The following CPSF6 variants were observed in gnomAD, a reference collection of about 807,000 sequenced individuals.
CPSF6 encodes cleavage and polyadenylation specific factor 6, also known as cleavage and polyadenylation specificity factor subunit 6.
In CPSF6, 10 loss-of-function variants were observed where a neutral mutation model predicts 56.7. That is an observed-to-expected ratio of 0.18 (90% CI 0.11 to 0.30). The LOEUF (loss-of-function observed/expected upper bound fraction) is 0.30. Among genes scored for constraint, CPSF6 ranks in the 10% least tolerant of loss-of-function variants. The pLI is 1.00. For missense variants in CPSF6, 419 were observed against 722.9 expected (o/e 0.58, Z 4.82); for synonymous variants, 248 against 244.8 (o/e 1.01, Z -0.12).
At chr12:69,241,985 T>A (rs1235847480) in intron 1 of CPSF6, among the ~76,000 whole-genome samples, 1 of 152,160 alleles carries the variant, frequency 6.6e-6, no homozygotes, top group African/African-American at 2.4e-5. Flanking sequence ...ATCTTGTTTT[T>A]AAAAATATGT....
At chr12:69,264,109 C>T (rs1872867669) in intron 9 of CPSF6, among the ~76,000 whole-genome samples, 1 of 151,978 alleles carries the variant, frequency 6.6e-6, no homozygotes, top group African/African-American at 2.4e-5. Flanking sequence ...TACATCTGAT[C>T]CCATCTTAAT....
At position 69,256,680 on chromosome 12, in the gene CPSF6, C is replaced by G; in HGVS notation, c.375-17C>G. On this transcript the variant is annotated splice_polypyrimidine_tract_variant and intron_variant, in intron 3 of 9. Transcript: ENST00000435070. ...TCTCTTTTTACTTTGTATCCTCACC[C>G]CTTAAACACTTTTTAGGTTTGCCCT... The G allele has an allele frequency of 6.2e-7, 1 of 1,601,992 alleles. No individual in the cohort carries two copies. The highest frequency in any genetic ancestry group is 8.5e-7 in the Non-Finnish European group (1 of 1,175,620).
At chr12:69,256,885 A>T in intron 4 of CPSF6, 43 bp downstream of exon 4, 8 of 1,528,340 alleles carry the variant, frequency 5.2e-6, no homozygotes, top group Non-Finnish European at 7.1e-6. Flanking sequence ...TGTACATTTT[A>T]ACCAGTGCAT....
Position 69,273,769 on chromosome 12 carries a change from A to G in CPSF6, c.*4261A>G, listed in dbSNP as rs890949699. Reference sequence around the variant, plus strand: ...AAGGATCCTTTGGGTATAAATCATAATGTATTTTAAGGAATGCATCTATAA... The same window carrying G: ...AAGGATCCTTTGGGTATAAATCATAGTGTATTTTAAGGAATGCATCTATAA... On this transcript the variant is annotated 3_prime_UTR_variant, in exon 10 of 10. Coordinates refer to ENST00000435070, the MANE Select transcript of CPSF6 (RefSeq NM_007007.3). The G allele has an allele frequency of 9.2e-5, 14 of 151,914 alleles. No individual in the cohort carries two copies. Among genetic ancestry groups the G allele is most frequent in the Non-Finnish European group, 4.4e-5 (3 of 67,844 alleles). The allele number at this position is 151,914 out of a possible 1,614,324, so 9.4% of individuals were successfully genotyped here. A position where few individuals can be genotyped will look rare whatever the true frequency, so the allele number is the denominator to read the frequency against.
chr12:69,264,937 G>A (rs1017961184), intron 9 of CPSF6, among the ~76,000 whole-genome samples: 1 of 152,252 alleles, frequency 6.6e-6, no homozygotes. Flanking sequence ...GAAAGCTAAA[G>A]TGAATGTCAC....
Position 69,271,635 on chromosome 12 carries a change from AGATTT to A in CPSF6, c.*2129_*2133del, listed in dbSNP as rs1258762144. On this transcript the variant is annotated 3_prime_UTR_variant, in exon 10 of 10. Transcript: ENST00000435070. ...TCGTTACAGACAGTGTGAGTGTACT[AGATTT>A]GTTTGCTGCTAATCCGTTATTTTAA... 1.3e-4 allele frequency: 20 copies of A among 151,668 alleles called. No individual in the cohort carries two copies. The allele number at this position is 151,668 out of a possible 1,614,324, so 9.4% of individuals were successfully genotyped here. A position where few individuals can be genotyped will look rare whatever the true frequency, so the allele number is the denominator to read the frequency against.
chr12:69,245,860 C>A (rs1592792705), intron 1 of CPSF6, among the ~76,000 whole-genome samples: 1 of 152,090 alleles, frequency 6.6e-6, no homozygotes, highest in Admixed American at 6.5e-5. Context: ...CTGAAGTAGG[C>A]GGATCACTTG....
At chr12:69,252,258 A>G (rs1231212186) in intron 2 of CPSF6, 1 of 337,724 alleles carries the variant, frequency 3.0e-6, no homozygotes, top group Non-Finnish European at 5.8e-6. Context: ...CAAAACAAAC[A>G]CTTTTGTAGA....
At chr12:69,256,164 A>G (rs575518067) in intron 3 of CPSF6, among the ~76,000 whole-genome samples, 5 of 152,348 alleles carry the variant, frequency 3.3e-5, no homozygotes, top group Middle Eastern at 3.4e-3. Flanking sequence ...TGAAATGTCT[A>G]GGATAGGCCA....
intron 6 of CPSF6, 119 bp downstream of exon 6, chr12:69,259,213 T>G: frequency 1.6e-6 from 2 of 1,289,644 alleles, no homozygotes; most frequent in East Asian, 2.5e-5. Context: ...ATGAGGTGTT[T>G]AAGCTGCTAC....
At chr12:69,257,266 C>G (rs1478988410) in intron 4 of CPSF6, among the ~76,000 whole-genome samples, 1 of 152,126 alleles carries the variant, frequency 6.6e-6, no homozygotes, top group Non-Finnish European at 1.5e-5. Flanking sequence ...ACTTGGTAAA[C>G]TGAATATAGA....
chr12:69,251,257 T>A lies in CPSF6; in HGVS notation c.189T>A (p.Asp63Glu). The change falls in exon 2 of 10, where the codon GAT becomes GAA. Residue 63 changes from aspartate (D) to glutamate (E), a missense_variant. Coordinates refer to ENST00000435070, the MANE Select transcript of CPSF6 (RefSeq NM_007007.3). ...MDTLPPTVGD[D>E]VGKGAAPNVV... is the part of the protein sequence containing the mutation. The stretch of plus-strand genomic sequence containing the variant: ...CTCTCCCACCAACTGTTGGTGATGA[T>A]GTGGGTAAAGGAGCAGCACCAAATG... 1 of 1,612,736 alleles carries A rather than the reference T, an allele frequency of 6.2e-7. No individual in the cohort carries two copies. Among genetic ancestry groups the A allele is most frequent in the Non-Finnish European group, 8.5e-7 (1 of 1,179,628 alleles).
chr12:69,248,955 T>A (rs945860306), intron 1 of CPSF6, among the ~76,000 whole-genome samples: 2 of 151,882 alleles, frequency 1.3e-5, no homozygotes, highest in Admixed American at 1.3e-4. Flanking sequence ...TTTAAAAAGA[T>A]CTTATTCTCG....
chr12:69,253,479 A>G (rs1210604998), intron 3 of CPSF6, among the ~76,000 whole-genome samples: 3 of 152,194 alleles, frequency 2.0e-5, no homozygotes, highest in African/African-American at 7.2e-5. Context: ...AAGAGATGGG[A>G]GAAGATGGGC....
At chr12:69,268,961 A>G (rs1202014620) in intron 9 of CPSF6, among the ~76,000 whole-genome samples, 3 of 151,876 alleles carry the variant, frequency 2.0e-5, no homozygotes, top group African/African-American at 7.2e-5. Flanking sequence ...TCCATACTCT[A>G]TTTATAAATC....
chr12:69,266,027 GAA>G lies in CPSF6; in HGVS notation c.*4-3471_*4-3470del, dbSNP rs10556524. On this transcript the variant is annotated intron_variant, in intron 9 of 9. Coordinates refer to ENST00000435070, the MANE Select transcript of CPSF6 (RefSeq NM_007007.3). ...AGCTTATTAGCTTTGTGTTAATTTT[GAA>G]AAAAAAAAAAAAAGCCAAAAGAATA... Among the ~76,000 whole-genome samples, 52 of 132,784 alleles carry G rather than the reference GAA, an allele frequency of 3.9e-4. 1 individual carries two copies. Among genetic ancestry groups the G allele is most frequent in the Middle Eastern group, 4.2e-3 (1 of 240 alleles). The allele number at this position is 132,784 out of a possible 152,430, so 87.1% of individuals were successfully genotyped here.
At chr12:69,266,307 G>C (rs1471757746) in intron 9 of CPSF6, among the ~76,000 whole-genome samples, 1 of 152,084 alleles carries the variant, frequency 6.6e-6, no homozygotes, top group African/African-American at 2.4e-5. Context: ...CTTTAGCTCT[G>C]ATTTTTCTTT....
At position 69,273,552 on chromosome 12, in the gene CPSF6, T is replaced by G. The variant is rs890686850; in HGVS notation, c.*4044T>G. 1.3e-5 allele frequency: 2 copies of G among 152,588 alleles called. No homozygotes were observed. Among genetic ancestry groups the G allele is most frequent in the Admixed American group, 1.3e-4 (2 of 15,350 alleles). 9.5% of individuals were successfully genotyped at this position (152,588 alleles called of 1,614,324 possible). A position where few individuals can be genotyped will look rare whatever the true frequency, so the allele number is the denominator to read the frequency against. On this transcript the variant is annotated 3_prime_UTR_variant, in exon 10 of 10. Transcript: ENST00000435070. ...TGCCATGGGTGTAAATGTTTTACAT[T>G]AATTTCATAATTGGACAGACCCTGC...
chr12:69,265,120 C>G (rs1452943119), intron 9 of CPSF6, among the ~76,000 whole-genome samples: 1 of 152,150 alleles, frequency 6.6e-6, no homozygotes, highest in East Asian at 1.9e-4. Flanking sequence ...ATGTTAATTG[C>G]ATTCTCTCAT....
Sources: allele counts gnomAD v4.1 joint callset (sites outside exome capture counted in the v4.1 genomes callset), GRCh38; gene constraint gnomAD v4.1.1; transcripts MANE v1.5; gene names NCBI Gene and HGNC (gene_info 2026-07-23, HGNC 2026-07-21).